Variants in NPAS3 observed in about 807,000 individuals in gnomAD.
NPAS3 encodes the protein neuronal PAS domain-containing protein 3.
NPAS3 carries 14 observed loss-of-function variants against 73.1 expected under a neutral mutation model. That is an observed-to-expected ratio of 0.19 (90% CI 0.13 to 0.30). NPAS3 has a LOEUF of 0.30. NPAS3 is among the 10% of genes least tolerant of loss of function. The probability of loss-of-function intolerance (pLI) is 1.00; values close to 1 mark genes in which losing one functional copy is unlikely to be tolerated. For missense variants in NPAS3, 1,096 were observed against 1,250.0 expected (o/e 0.88, Z 1.86); for synonymous variants, 620 against 541.5 (o/e 1.14, Z -2.01).
chr14:33,708,677 A>G (rs1198997900), intron 6 of NPAS3, among the ~76,000 whole-genome samples: 1 of 152,244 alleles, frequency 6.6e-6, no homozygotes, highest in East Asian at 1.9e-4. Context: ...GTCATGGAAG[A>G]GTCAGAGAGT....
At chr14:33,803,554 C>T (rs1028431761), downstream of NPAS3, 2 of 152,080 alleles carry the variant, frequency 1.3e-5, no homozygotes, top group Non-Finnish European at 2.9e-5. Context: ...ATCGAACAAT[C>T]AAAGGAATGC....
intron 2 of NPAS3, among the ~76,000 whole-genome samples, chr14:33,195,906 G>C (rs2046335011): frequency 6.6e-6 from 1 of 152,184 alleles, no homozygotes; most frequent in Non-Finnish European, 1.5e-5. Context: ...AGGTAAATGG[G>C]AAATAACTTT....
intron 3 of NPAS3, among the ~76,000 whole-genome samples, chr14:33,232,579 G>T (rs2047891836): frequency 6.6e-6 from 1 of 151,996 alleles, no homozygotes. Flanking sequence ...TATGTTTGTG[G>T]CAAACCTCAC....
chr14:33,459,267 G>A (rs1269007254), intron 4 of NPAS3, among the ~76,000 whole-genome samples: 1 of 152,164 alleles, frequency 6.6e-6, no homozygotes, highest in African/African-American at 2.4e-5. Flanking sequence ...GACCATCTGG[G>A]AATGCAGCTC....
intron 7 of NPAS3, among the ~76,000 whole-genome samples, chr14:33,765,665 G>C (rs1245698966): frequency 1.3e-5 from 2 of 152,198 alleles, no homozygotes; most frequent in Non-Finnish European, 2.9e-5. Context: ...ATTTTTTTAA[G>C]TACAGCTTTA....
intron 5 of NPAS3, among the ~76,000 whole-genome samples, chr14:33,586,211 C>T (rs865952501): frequency 5.0e-4 from 63 of 126,636 alleles, no homozygotes; most frequent in Middle Eastern, 4.2e-3. Flanking sequence ...AACCAAATAA[C>T]AACAATCTTT....
rs147110817 is a variant in NPAS3, at chr14:33,635,671, C to T, written c.559-40540C>T. ...CCATCACCCATTATCAGACATAGTC[C>T]AGATGTAATGTTCTGTATGAGCAAT... On this transcript the variant is annotated intron_variant, in intron 5 of 11. Transcript: ENST00000356141. 2.1e-3 allele frequency among the ~76,000 whole-genome samples: 317 copies of T among 152,262 alleles called. 3 individuals are homozygous for T. The Middle Eastern group carries it at 0.031, about 15-fold the overall frequency.
At chr14:33,651,602 C>G (rs1038964115) in intron 5 of NPAS3, among the ~76,000 whole-genome samples, 1 of 152,092 alleles carries the variant, frequency 6.6e-6, no homozygotes, top group Non-Finnish European at 1.5e-5. Context: ...TAGTCCAGCT[C>G]TGTCACTAAT....
intron 6 of NPAS3, among the ~76,000 whole-genome samples, chr14:33,697,478 G>A (rs1453672517): frequency 6.6e-6 from 1 of 152,110 alleles, no homozygotes; most frequent in South Asian, 2.1e-4. Context: ...TAATTATGAG[G>A]GCCGGGGAAA....
intron 2 of NPAS3, chr14:33,214,300 A>C (rs2047141000): frequency 6.6e-6 from 1 of 152,192 alleles, no homozygotes; most frequent in Non-Finnish European, 1.5e-5. Context: ...TGCCCTCAGC[A>C]ATGTGAGCAA....
At chr14:33,252,453 T>C (rs1322478977) in intron 3 of NPAS3, among the ~76,000 whole-genome samples, 1 of 151,926 alleles carries the variant, frequency 6.6e-6, no homozygotes, top group African/African-American at 2.4e-5. Context: ...TGCTAGACAG[T>C]GTAGTAGGTA....
chr14:33,435,501 C>T (rs1263075943), intron 4 of NPAS3, among the ~76,000 whole-genome samples: 7 of 152,090 alleles, frequency 4.6e-5, no homozygotes, highest in Admixed American at 2.0e-4. Context: ...TAATTTTTAA[C>T]ACATTTGGAT....
chr14:32,984,408 G>C (rs2038017762), intron 1 of NPAS3, among the ~76,000 whole-genome samples: 1 of 152,018 alleles, frequency 6.6e-6, no homozygotes, highest in Non-Finnish European at 1.5e-5. Context: ...AACTTACTTT[G>C]GGAAAAAAAG....
At chr14:33,393,520 G>A (rs936874141) in intron 4 of NPAS3, among the ~76,000 whole-genome samples, 34 of 152,128 alleles carry the variant, frequency 2.2e-4, no homozygotes, top group African/African-American at 7.0e-4. Context: ...CCAGTTACAT[G>A]TATTTTAGGC....
rs143028059 is a variant in NPAS3 at position 33,141,300 on chromosome 14, G to A, written c.141-73882G>A. Among the ~76,000 whole-genome samples, 447 of 152,256 alleles carry A rather than the reference G, an allele frequency of 2.9e-3. 3 individuals carry two copies. The highest frequency in any genetic ancestry group is 0.01 in the African/African-American group (418 of 41,556). On this transcript the variant is annotated intron_variant, in intron 2 of 11. Coordinates refer to ENST00000356141, the Ensembl canonical transcript of NPAS3. ...CCTGCTTCAGTTTTGTTACTAAGGG[G>A]GAAATGATGATGGGTGTGAGCTATT...
At chr14:33,250,870 A>G (rs1466149079) in intron 3 of NPAS3, among the ~76,000 whole-genome samples, 1 of 152,094 alleles carries the variant, frequency 6.6e-6, no homozygotes, top group Non-Finnish European at 1.5e-5. Flanking sequence ...TACCATGGAT[A>G]ATATCTTTTA....
intron 2 of NPAS3, among the ~76,000 whole-genome samples, chr14:33,134,776 A>G (rs1268903038): frequency 6.6e-6 from 1 of 152,054 alleles, no homozygotes; most frequent in African/African-American, 2.4e-5. Context: ...TGTACCTAAT[A>G]CCCTATTACT....
chr14:33,326,536 T>C (rs1297804201), intron 3 of NPAS3, among the ~76,000 whole-genome samples: 1 of 152,242 alleles, frequency 6.6e-6, no homozygotes, highest in Non-Finnish European at 1.5e-5. Context: ...TCCCAAGCTT[T>C]TTGTGCATGT....
chr14:33,011,087 T>C (rs1353801415), intron 1 of NPAS3, among the ~76,000 whole-genome samples: 1 of 152,202 alleles, frequency 6.6e-6, no homozygotes, highest in Non-Finnish European at 1.5e-5. Context: ...GAGGAATAGA[T>C]GTTTGCAAAA....
Sources: allele counts gnomAD v4.1 joint callset (sites outside exome capture counted in the v4.1 genomes callset), GRCh38; gene constraint gnomAD v4.1.1; transcripts MANE v1.5; gene names NCBI Gene and HGNC (gene_info 2026-07-23, HGNC 2026-07-21).